MCMDC2: variants seen among roughly 807,000 people sequenced by gnomAD.
MCMDC2 encodes minichromosome maintenance domain-containing protein 2.
MCMDC2 carries 54 observed loss-of-function variants against 75.8 expected under a neutral mutation model. The ratio of observed to expected loss-of-function variants is 0.71; its 90% CI spans 0.57 to 0.89. MCMDC2 has a LOEUF of 0.89. Among genes scored for constraint, MCMDC2 ranks in the 40% least tolerant of loss-of-function variants. The pLI, the probability that MCMDC2 is intolerant of heterozygous loss-of-function variation, is 0.00. For missense variants in MCMDC2, 656 were observed against 780.4 expected (o/e 0.84, Z 1.90); for synonymous variants, 249 against 274.6 (o/e 0.91, Z 0.92).
intron 9 of MCMDC2, among the ~76,000 whole-genome samples, chr8:66,886,017 C>T (rs1158431859): frequency 1.3e-5 from 2 of 152,128 alleles, no homozygotes; most frequent in African/African-American, 4.8e-5. Context: ...TAGTGGAAGA[C>T]ATTTGGTTTT....
At chr8:66,891,137 T>C in intron 10 of MCMDC2, 67 bp downstream of exon 10, 1 of 1,278,820 alleles carries the variant, frequency 7.8e-7, no homozygotes, top group Non-Finnish European at 1.1e-6. Flanking sequence ...TTGAGATACT[T>C]AACAGTTAAG....
At chr8:66,908,055 C>A (rs2130859598) in intron 14 of MCMDC2, among the ~76,000 whole-genome samples, 1 of 152,258 alleles carries the variant, frequency 6.6e-6, no homozygotes, top group East Asian at 1.9e-4. Context: ...TTTTGCTGTG[C>A]AGAAGCTCTT....
intron 9 of MCMDC2, among the ~76,000 whole-genome samples, chr8:66,887,474 C>T (rs548895927): frequency 6.6e-6 from 1 of 152,028 alleles, no homozygotes; most frequent in South Asian, 2.1e-4. Flanking sequence ...ATCATTTGAA[C>T]CTGGGAGGCG....
At chr8:66,879,486 G>A (rs113109383) in intron 7 of MCMDC2, among the ~76,000 whole-genome samples, 2,850 of 151,572 alleles carry the variant, frequency 0.019, 87 homozygotes, top group African/African-American at 0.062. Flanking sequence ...CCAGCTACTC[G>A]GGAGGCTGAG....
chr8:66,919,635 A>G lies in MCMDC2; in HGVS notation c.*466A>G, dbSNP rs1813442736. ...TGCTAAACTGATGAGTAAATACTTT[A>G]TATAACCCGAAGCTTCAAATGTAAG... On this transcript the variant is annotated 3_prime_UTR_variant, in exon 15 of 15. Coordinates refer to ENST00000422365, the MANE Select transcript of MCMDC2 (RefSeq NM_173518.5). The G allele has an allele frequency of 6.6e-6, 1 of 152,358 alleles. No homozygotes were observed. Among genetic ancestry groups the G allele is most frequent in the Non-Finnish European group, 1.5e-5 (1 of 68,160 alleles). 9.4% of individuals were successfully genotyped at this position (152,358 alleles called of 1,614,324 possible).
rs1360570058 is a variant in MCMDC2 at position 66,921,540 on chromosome 8, T to C, written c.*2371T>C. On this transcript the variant is annotated 3_prime_UTR_variant, in exon 15 of 15. Coordinates refer to ENST00000422365, the MANE Select transcript of MCMDC2 (RefSeq NM_173518.5). Reference sequence around the variant, plus strand: ...CCAGATATAAATTCAGCTTTAGAATTCTTGCCAATTTAGTCCTAGACAGAC... The same window carrying C: ...CCAGATATAAATTCAGCTTTAGAATCCTTGCCAATTTAGTCCTAGACAGAC... 1.3e-5 allele frequency: 2 copies of C among 152,252 alleles called. No homozygotes were observed. Among genetic ancestry groups the C allele is most frequent in the Non-Finnish European group, 2.9e-5 (2 of 68,046 alleles). The allele number at this position is 152,252 out of a possible 1,614,324, so 9.4% of individuals were successfully genotyped here.
chr8:66,886,718 T>G (rs1249273222), intron 9 of MCMDC2, among the ~76,000 whole-genome samples: 7 of 150,246 alleles, frequency 4.7e-5, no homozygotes, highest in Non-Finnish European at 7.4e-5. Context: ...GAGGTTGCAG[T>G]GAGTCGAGAT....
At chr8:66,918,244 T>A (rs923384196) in intron 14 of MCMDC2, among the ~76,000 whole-genome samples, 5 of 151,306 alleles carry the variant, frequency 3.3e-5, no homozygotes, top group African/African-American at 4.8e-5. Flanking sequence ...TAATGATTAT[T>A]TTCTTACTGT....
At chr8:66,897,887 G>A (rs1812434678) in intron 12 of MCMDC2, among the ~76,000 whole-genome samples, 1 of 152,144 alleles carries the variant, frequency 6.6e-6, no homozygotes, top group Admixed American at 6.5e-5. Context: ...TCACCTGTCT[G>A]GGTATGATAG....
intron 9 of MCMDC2, among the ~76,000 whole-genome samples, chr8:66,886,819 T>C (rs1019472604): frequency 6.6e-6 from 1 of 151,274 alleles, no homozygotes; most frequent in African/African-American, 2.4e-5. Flanking sequence ...TTTTCCGAAG[T>C]GGTTGTACCA....
chr8:66,876,301 G>A (rs1811279581), intron 4 of MCMDC2, among the ~76,000 whole-genome samples: 1 of 152,184 alleles, frequency 6.6e-6, no homozygotes, highest in African/African-American at 2.4e-5. Flanking sequence ...ATTTGTACAG[G>A]AAAGGCAGGG....
intron 8 of MCMDC2, among the ~76,000 whole-genome samples, chr8:66,882,731 T>C (rs778579683): frequency 2.6e-5 from 4 of 152,144 alleles, no homozygotes; most frequent in Non-Finnish European, 4.4e-5. Flanking sequence ...CCAAGTTGAA[T>C]TTAAATGCAA....
intron 10 of MCMDC2, among the ~76,000 whole-genome samples, chr8:66,892,471 AGAGTTTT>A (rs1812154484): frequency 6.6e-6 from 1 of 152,328 alleles, no homozygotes; most frequent in East Asian, 1.9e-4. Context: ...AAGGTGGAGA[AGAGTTTT>A]ATTGCATGGC....
chr8:66,901,485 A>G (rs1812656988), intron 13 of MCMDC2, 137 bp downstream of exon 13: 1 of 1,402,688 alleles, frequency 7.1e-7, no homozygotes, highest in African/African-American at 1.5e-5. Context: ...CTTGTTCCAA[A>G]AGGACTAAAG....
chr8:66,874,052 G>A lies in MCMDC2; in HGVS notation c.-88-1G>A. ...AAAAATAAAATTAATTTTATTTCTAGGTTTTCACATCCTTTCTATGAGTTT... is the reference window on the plus strand; with the variant it reads ...AAAAATAAAATTAATTTTATTTCTAAGTTTTCACATCCTTTCTATGAGTTT... On this transcript the variant is annotated splice_acceptor_variant, in intron 1 of 14. Transcript: ENST00000422365. LOFTEE classifies it low-confidence loss of function (5UTR_SPLICE). 1.2e-6 allele frequency: 1 copy of A among 806,586 alleles called. No homozygotes were observed. Among genetic ancestry groups the A allele is most frequent in the Admixed American group, 2.8e-5 (1 of 35,336 alleles). 50.0% of individuals were successfully genotyped at this position (806,586 alleles called of 1,614,324 possible).
At chr8:66,881,142 C>T (rs1404728694) in intron 8 of MCMDC2, among the ~76,000 whole-genome samples, 168 bp downstream of exon 8, 1 of 151,972 alleles carries the variant, frequency 6.6e-6, no homozygotes, top group Admixed American at 6.6e-5. Flanking sequence ...GGCAGACAGT[C>T]AATATACATA....
Position 66,872,977 on chromosome 8 carries a change from A to C in MCMDC2, c.-88-1076A>C, listed in dbSNP as rs1010026544. Among the ~76,000 whole-genome samples, 93 of 151,738 alleles carry C rather than the reference A, an allele frequency of 6.1e-4. 1 individual carries two copies. Among genetic ancestry groups the C allele is most frequent in the Admixed American group, 1.5e-3 (23 of 15,224 alleles). On this transcript the variant is annotated intron_variant, in intron 1 of 14. Transcript: ENST00000422365. ...CATCTCAAAAAAAAAAAAAAAAAAA[A>C]AACAACCTGGTAATGAATGAATAAC...
At chr8:66,898,324 G>A (rs947314146) in intron 12 of MCMDC2, among the ~76,000 whole-genome samples, 6 of 151,822 alleles carry the variant, frequency 4.0e-5, no homozygotes, top group Non-Finnish European at 1.5e-5. Context: ...TCATTTAATT[G>A]AGATTAAAAA....
intron 14 of MCMDC2, among the ~76,000 whole-genome samples, chr8:66,912,356 G>A (rs779665420): frequency 1.3e-5 from 2 of 152,230 alleles, no homozygotes; most frequent in African/African-American, 2.4e-5. Flanking sequence ...AAAGAAAGTG[G>A]TTTCTTGAGA....
Sources: allele counts gnomAD v4.1 joint callset (sites outside exome capture counted in the v4.1 genomes callset), GRCh38; gene constraint gnomAD v4.1.1; transcripts MANE v1.5; gene names NCBI Gene and HGNC (gene_info 2026-07-23, HGNC 2026-07-21).